RPTOR: variants seen among roughly 807,000 people sequenced by gnomAD.
RPTOR encodes the protein regulatory-associated protein of mTOR.
Under a neutral mutation model 169.9 loss-of-function variants are expected in RPTOR, and 21 were observed. That is an observed-to-expected ratio of 0.12 (90% CI 0.09 to 0.18). RPTOR has a LOEUF of 0.18. Ranked by LOEUF, RPTOR falls within the 10% of genes least tolerant of loss-of-function variation. The pLI is 1.00. For synonymous variants in RPTOR, 732 were observed against 753.2 expected, an observed-to-expected ratio of 0.97 and a Z score of 0.46; for missense variants, 1,133 against 1,855.9, an observed-to-expected ratio of 0.61 and a Z score of 7.16.
chr17:80,815,753 A>G (rs1489793280), intron 7 of RPTOR, among the ~76,000 whole-genome samples: 1 of 152,272 alleles, frequency 6.6e-6, no homozygotes, highest in Non-Finnish European at 1.5e-5. Context: ...AAAGAAATTT[A>G]GAGGAAGATC....
At position 80,893,813 on chromosome 17, in the gene RPTOR, C is replaced by T; in HGVS notation, c.2349C>T (p.Thr783=). The T allele has an allele frequency of 2.6e-6, 4 of 1,552,570 alleles. No individual in the cohort carries two copies. The highest frequency in any genetic ancestry group is 3.5e-6 in the Non-Finnish European group (4 of 1,145,902). ...AGGAGCATATCCTGTCCTTCGAGAC[C>T]ATCGACAAGATGCGCCGCGCCAGCT... ...ENEEHILSFE[T]IDKMRRASSY... Residue 783 remains threonine (T), a synonymous_variant, in exon 20 of 34, where the codon ACC becomes ACT. Coordinates refer to ENST00000306801, the MANE Select transcript of RPTOR (RefSeq NM_020761.3).
At chr17:80,931,861 C>T (rs979699313) in intron 24 of RPTOR, among the ~76,000 whole-genome samples, 23 of 147,428 alleles carry the variant, frequency 1.6e-4, no homozygotes, top group African/African-American at 5.0e-4. Context: ...GCACAGCAGT[C>T]GAGCTGTAGC....
chr17:80,569,003 A>G (rs768850413), intron 1 of RPTOR, among the ~76,000 whole-genome samples: 5 of 152,178 alleles, frequency 3.3e-5, no homozygotes, highest in Admixed American at 2.0e-4. Flanking sequence ...ATGTATTTCA[A>G]AATTTCAGAT....
chr17:80,676,626 G>A (rs1025235077), intron 3 of RPTOR, among the ~76,000 whole-genome samples: 7 of 152,206 alleles, frequency 4.6e-5, no homozygotes, highest in African/African-American at 1.7e-4. Context: ...TCGGAATACT[G>A]CATACAGTTG....
At chr17:80,907,455 G>A (rs999303759) in intron 20 of RPTOR, among the ~76,000 whole-genome samples, 8 of 152,374 alleles carry the variant, frequency 5.3e-5, no homozygotes, top group Admixed American at 1.3e-4. Flanking sequence ...CACGCTCAGC[G>A]CCTCTGGTCC....
At chr17:80,864,471 C>T (rs1042032352) in intron 13 of RPTOR, among the ~76,000 whole-genome samples, 4 of 140,310 alleles carry the variant, frequency 2.9e-5, no homozygotes, top group East Asian at 3.9e-4. Flanking sequence ...AGGCAGACAG[C>T]GGAACAGCAT....
intron 1 of RPTOR, among the ~76,000 whole-genome samples, chr17:80,572,145 G>A (rs1305095096): frequency 6.6e-6 from 1 of 151,956 alleles, no homozygotes; most frequent in Non-Finnish European, 1.5e-5. Flanking sequence ...TCACCCAGGT[G>A]GGAGTGCAGT....
chr17:80,593,378 G>C (rs919944603), intron 1 of RPTOR: 1 of 154,852 alleles, frequency 6.5e-6, no homozygotes, highest in African/African-American at 2.4e-5. Context: ...AGCTCGGTGA[G>C]CCCATCTTTC....
At position 80,957,655 on chromosome 17, in the gene RPTOR, G is replaced by A. The variant is rs1267161212; in HGVS notation, c.3402G>A (p.Glu1134=). The A allele has an allele frequency of 6.2e-7, 1 of 1,614,188 alleles. No individual in the cohort carries two copies. The highest frequency in any genetic ancestry group is 1.3e-5 in the African/African-American group (1 of 75,074). The change falls in exon 29 of 34, where the codon GAG becomes GAA. Residue 1134 remains glutamate, a synonymous_variant. Coordinates refer to ENST00000306801, the MANE Select transcript of RPTOR (RefSeq NM_020761.3). This position sits in a 1 kb window ranked among gnomAD's most constrained non-coding sequence, Gnocchi z 4.6. ...GAGMVVDWEQ[E]TGLLMSSGDV... ...GGATGGTGGTGGACTGGGAGCAGGA[G>A]ACCGGCCTCCTCATGAGCTCAGGAG...
chr17:80,951,775 T>C (rs2069181675), intron 28 of RPTOR, among the ~76,000 whole-genome samples: 1 of 152,198 alleles, frequency 6.6e-6, no homozygotes, highest in Non-Finnish European at 1.5e-5. Context: ...GAGCCTCTGG[T>C]TCAGATGGAC....
At position 80,878,167 on chromosome 17, in the gene RPTOR, A is replaced by G. The variant is rs1409570063; in HGVS notation, c.1510-2248A>G. ...AAGGAGCATGCTGGGAGCTGGCAGA[A>G]CGCACGCCTCACTCTGTCGATGCAG... On this transcript the variant is annotated intron_variant, in intron 13 of 33. Coordinates refer to ENST00000306801, the MANE Select transcript of RPTOR (RefSeq NM_020761.3). This position sits in a 1 kb window ranked among gnomAD's most constrained non-coding sequence, Gnocchi z 4.1. Among the ~76,000 whole-genome samples, 2 of 152,168 alleles carry G rather than the reference A, an allele frequency of 1.3e-5. No individual in the cohort carries two copies. The highest frequency in any genetic ancestry group is 3.8e-4 in the East Asian group (2 of 5,202).
chr17:80,697,550 G>GGGCGGCGTGATAGGTGCAGGT (rs879481669), intron 3 of RPTOR, among the ~76,000 whole-genome samples: 3 of 152,170 alleles, frequency 2.0e-5, no homozygotes, highest in Non-Finnish European at 2.9e-5. Flanking sequence ...GGGAGGAGGA[G>GGGCGGCGTGATAGGTGCAGGT]GGCGGCGTGA....
chr17:80,643,652 GA>G (rs1950903769), intron 2 of RPTOR, 75 bp from the exon 3 acceptor site: 1 of 1,091,242 alleles, frequency 9.2e-7, no homozygotes, highest in South Asian at 1.4e-5. Context: ...TATATAAGGA[GA>G]AACTGTGGAA....
chr17:80,756,456 T>C (rs1360145320), intron 6 of RPTOR, among the ~76,000 whole-genome samples: 1 of 152,192 alleles, frequency 6.6e-6, no homozygotes, highest in Non-Finnish European at 1.5e-5. Flanking sequence ...ACAGAAATAA[T>C]TTATTGGATA....
intron 24 of RPTOR, among the ~76,000 whole-genome samples, chr17:80,928,084 G>T (rs1458749400): frequency 6.6e-6 from 1 of 152,148 alleles, no homozygotes; most frequent in Non-Finnish European, 1.5e-5. Flanking sequence ...CTTGGTTGTC[G>T]TTGAAACAAC....
At chr17:80,561,960 A>T (rs2084503707) in intron 1 of RPTOR, among the ~76,000 whole-genome samples, 1 of 152,060 alleles carries the variant, frequency 6.6e-6, no homozygotes, top group African/African-American at 2.4e-5. Flanking sequence ...GTCTGTATGT[A>T]TGTGTGTACA....
chr17:80,814,098 G>C (rs1309657477), intron 7 of RPTOR, among the ~76,000 whole-genome samples: 1 of 152,190 alleles, frequency 6.6e-6, no homozygotes, highest in Non-Finnish European at 1.5e-5. Flanking sequence ...CTGAGATCAA[G>C]CCTGTGCACT....
At chr17:80,603,534 A>G (rs1314450268) in intron 1 of RPTOR, among the ~76,000 whole-genome samples, 1 of 152,196 alleles carries the variant, frequency 6.6e-6, no homozygotes, top group Admixed American at 6.5e-5. Context: ...GGAGTCCCCA[A>G]GACCACTTCC....
At chr17:80,809,068 C>G (rs2067247153) in intron 7 of RPTOR, among the ~76,000 whole-genome samples, 1 of 152,232 alleles carries the variant, frequency 6.6e-6, no homozygotes, top group African/African-American at 2.4e-5. Context: ...GTGTGTTTAA[C>G]TTTATAAGAA....
Sources: gnomAD v4.1 joint callset for allele counts (sites outside exome capture counted in the v4.1 genomes callset) on GRCh38, gnomAD v4.1.1 for gene constraint, Gnocchi (gnomAD v3.1) non-coding constraint, MANE v1.5 for transcripts, NCBI Gene and HGNC (gene_info 2026-07-23, HGNC 2026-07-21) for gene names.